The following SLX4IP variants were observed in gnomAD, a reference collection of about 807,000 sequenced individuals.
The protein encoded by SLX4IP is SLX4 interacting protein.
A neutral mutation model predicts 32.9 loss-of-function variants in SLX4IP; 34 were observed. The ratio of observed to expected loss-of-function variants is 1.03; its 90% CI spans 0.79 to 1.38. SLX4IP has a LOEUF of 1.38. SLX4IP is among the 40% of genes most tolerant of loss of function. SLX4IP has a pLI of 0.00. For synonymous variants in SLX4IP, 172 were observed against 171.7 expected (o/e 1.00, Z -0.01); for missense variants, 444 against 479.0 (o/e 0.93, Z 0.68).
Position 10,560,744 on chromosome 20 carries a change from G to T in SLX4IP, c.162G>T (p.Gln54His). The change falls in exon 4 of 8, where the codon CAG (glutamine) becomes CAT (histidine). Residue 54 changes from glutamine (Q) to histidine (H), a missense_variant. Physicochemically the swap from Gln to His is conservative, Grantham distance 24. Coordinates refer to ENST00000334534, the MANE Select transcript of SLX4IP (RefSeq NM_001009608.3). Reference sequence around the variant, plus strand: ...AAGAAACCATTGATTCAAGAGTTCAGGAGTACTTGGAAGTTCGCAAACAGC... The same window carrying T: ...AAGAAACCATTGATTCAAGAGTTCATGAGTACTTGGAAGTTCGCAAACAGC... ...LLKETIDSRV[Q>H]EYLEVRKQHR... The T allele has an allele frequency of 1.9e-6, 3 of 1,605,896 alleles. No homozygotes were observed. The highest frequency in any genetic ancestry group is 2.6e-6 in the Non-Finnish European group (3 of 1,175,876).
At chr20:10,621,254 G>A in intron 6 of SLX4IP, 60 bp from the exon 7 acceptor site, 2 of 1,459,592 alleles carry the variant, frequency 1.4e-6, no homozygotes, top group Non-Finnish European at 1.9e-6. Context: ...GAGTGTAACT[G>A]TTTTCTCTCA....
chr20:10,515,472 A>G (rs1203467257), intron 2 of SLX4IP, among the ~76,000 whole-genome samples: 5 of 152,226 alleles, frequency 3.3e-5, no homozygotes, highest in Non-Finnish European at 7.3e-5. Flanking sequence ...GCTCAGAAAG[A>G]AAGTATTAAA....
chr20:10,516,350 C>G (rs2065849301), intron 2 of SLX4IP, among the ~76,000 whole-genome samples: 1 of 151,524 alleles, frequency 6.6e-6, no homozygotes, highest in African/African-American at 2.4e-5. Flanking sequence ...AGTTTTTCAA[C>G]TCAGAGAAAA....
chr20:10,496,626 T>G (rs568430804), intron 2 of SLX4IP, among the ~76,000 whole-genome samples: 1 of 151,522 alleles, frequency 6.6e-6, no homozygotes, highest in African/African-American at 2.4e-5. Flanking sequence ...CTCACATCCA[T>G]GTACTACTAG....
intron 2 of SLX4IP, among the ~76,000 whole-genome samples, chr20:10,468,974 C>G (rs2065402217): frequency 6.6e-6 from 1 of 152,088 alleles, no homozygotes; most frequent in Non-Finnish European, 1.5e-5. Context: ...CTGGGCCACA[C>G]TGGAAGAAGA....
At chr20:10,535,468 C>T (rs531873659) in intron 2 of SLX4IP, among the ~76,000 whole-genome samples, 5 of 152,032 alleles carry the variant, frequency 3.3e-5, no homozygotes, top group South Asian at 4.1e-4. Context: ...ATTACAGGTG[C>T]GTGCCACCAT....
intron 6 of SLX4IP, among the ~76,000 whole-genome samples, chr20:10,617,043 G>T (rs2067043427): frequency 6.6e-6 from 1 of 152,190 alleles, no homozygotes; most frequent in South Asian, 2.1e-4. Flanking sequence ...TGAGGGGCTT[G>T]CCCAAAATAT....
intron 4 of SLX4IP, among the ~76,000 whole-genome samples, chr20:10,593,380 A>T (rs1323898318): frequency 6.6e-6 from 1 of 152,054 alleles, no homozygotes; most frequent in African/African-American, 2.4e-5. Flanking sequence ...AAATTAATAA[A>T]TGGCTGGCAT....
chr20:10,466,245 C>T (rs775436658), intron 2 of SLX4IP, among the ~76,000 whole-genome samples: 21 of 152,286 alleles, frequency 1.4e-4, no homozygotes, highest in Non-Finnish European at 2.1e-4. Flanking sequence ...TTGCCAGGGT[C>T]GCTCTCAATA....
intron 2 of SLX4IP, among the ~76,000 whole-genome samples, chr20:10,524,410 A>G (rs2065925711): frequency 6.6e-6 from 1 of 152,058 alleles, no homozygotes; most frequent in Non-Finnish European, 1.5e-5. Context: ...CCTTAGTTCC[A>G]CGTTGCCGAG....
chr20:10,491,159 T>G lies in SLX4IP; in HGVS notation c.27+32928T>G, dbSNP rs187643090. Among the ~76,000 whole-genome samples the G allele has an allele frequency of 2.8e-3, 429 of 152,328 alleles. 2 individuals are homozygous for G. Among genetic ancestry groups the G allele is most frequent in the Middle Eastern group, 0.014 (4 of 294 alleles). Reference sequence around the variant, plus strand: ...AGATGTAATTCTTTAAAATAATTTGTGTTTTAAATACTTAATAAAATGGCT... The same window carrying G: ...AGATGTAATTCTTTAAAATAATTTGGGTTTTAAATACTTAATAAAATGGCT... On this transcript the variant is annotated intron_variant, in intron 2 of 7. Coordinates refer to ENST00000334534, the MANE Select transcript of SLX4IP (RefSeq NM_001009608.3).
intron 6 of SLX4IP, chr20:10,614,055 G>T: frequency 6.6e-7 from 1 of 1,525,230 alleles, no homozygotes; most frequent in Non-Finnish European, 9.0e-7. Context: ...GCAGCGGGTG[G>T]CGTCCTCCTT....
rs765433286 is a variant in SLX4IP, at chr20:10,622,712, G to GA, written c.561dup (p.Asp188ArgfsTer7). 1.9e-6 allele frequency: 3 copies of GA among 1,613,802 alleles called. No individual in the cohort carries two copies. Among genetic ancestry groups the GA allele is most frequent in the Non-Finnish European group, 2.5e-6 (3 of 1,180,024 alleles). On this transcript the variant is annotated frameshift_variant, in exon 8 of 8. Transcript: ENST00000334534. LOFTEE classifies it high-confidence loss of function. ...GTCACGAGCAAATCGCAGACCAGAA[G>GA]AGACACTGTGGAAACATCTAGTGAC...
At chr20:10,519,375 G>T (rs2065884906) in intron 2 of SLX4IP, among the ~76,000 whole-genome samples, 1 of 151,900 alleles carries the variant, frequency 6.6e-6, no homozygotes, top group Non-Finnish European at 1.5e-5. Flanking sequence ...CCTCATCTCT[G>T]TGCCCACTCC....
At chr20:10,564,623 T>G (rs977290109) in intron 4 of SLX4IP, among the ~76,000 whole-genome samples, 2 of 152,210 alleles carry the variant, frequency 1.3e-5, no homozygotes, top group African/African-American at 4.8e-5. Flanking sequence ...GATTTCTTTA[T>G]AAACAATTTG....
chr20:10,512,339 A>G (rs892916154), intron 2 of SLX4IP, among the ~76,000 whole-genome samples: 1 of 152,182 alleles, frequency 6.6e-6, no homozygotes. Context: ...AATTATTAAT[A>G]GCACCCCTTT....
intron 1 of SLX4IP, among the ~76,000 whole-genome samples, chr20:10,444,931 G>A (rs560465417): frequency 7.3e-4 from 111 of 152,162 alleles, no homozygotes; most frequent in Middle Eastern, 3.4e-3. Context: ...TTTCCTTCTC[G>A]TGGGAGGCGG....
intron 2 of SLX4IP, among the ~76,000 whole-genome samples, chr20:10,481,082 CT>C (rs60818810): frequency 0.99 from 147,754 of 148,998 alleles, 73,259 homozygotes; most frequent in East Asian, 1. Context: ...ATTCTTACAA[CT>C]TTTTTTTTTT....
intron 2 of SLX4IP, among the ~76,000 whole-genome samples, chr20:10,518,377 T>G (rs976091096): frequency 1.3e-5 from 2 of 150,644 alleles, no homozygotes; most frequent in African/African-American, 4.9e-5. Context: ...CTCTCTCTCT[T>G]TCTTTCCTTC....
Sources: allele counts gnomAD v4.1 joint callset (sites outside exome capture counted in the v4.1 genomes callset), GRCh38; gene constraint gnomAD v4.1.1; transcripts MANE v1.5; gene names NCBI Gene and HGNC (gene_info 2026-07-23, HGNC 2026-07-21).